Variants in CWH43 observed in about 807,000 individuals in gnomAD.
The protein encoded by CWH43 is cell wall biogenesis 43 C-terminal homolog.
In CWH43, 91 loss-of-function variants were observed where a neutral mutation model predicts 85.7. That is an observed-to-expected ratio of 1.06 (90% confidence interval 0.90 to 1.26). The LOEUF is 1.26. Among genes scored for constraint, CWH43 ranks in the 50% most tolerant of loss-of-function variants. The pLI, the probability that CWH43 is intolerant of heterozygous loss-of-function variation, is 0.00. For missense variants in CWH43, 869 were observed against 839.2 expected, an observed-to-expected ratio of 1.04 and a Z score of -0.44; for synonymous variants, 323 against 293.6, an observed-to-expected ratio of 1.10 and a Z score of -1.02.
Position 49,061,866 on chromosome 4 carries a change from G to A in CWH43, c.2076G>A (p.Met692Ile), listed in dbSNP as rs1460658835. 1.4e-6 allele frequency: 2 copies of A among 1,386,804 alleles called. No homozygotes were observed. Among genetic ancestry groups the A allele is most frequent in the Non-Finnish European group, 9.6e-7 (1 of 1,043,620 alleles). 85.9% of individuals were successfully genotyped at this position (1,386,804 alleles called of 1,614,324 possible). The change falls in exon 16 of 16, where the codon ATG (methionine) becomes ATA (isoleucine). Residue 692 changes from methionine to isoleucine, a missense_variant. Coordinates refer to ENST00000226432, the MANE Select transcript of CWH43 (RefSeq NM_025087.3). ...ATGAAAACAACCATCATTTTCATAT[G>A]AATACTCCCAAATACTTTTTATGAA... ...HNYENNHHFH[M>I]NTPKYFL
At chr4:49,050,495 A>C (rs772167330) in intron 14 of CWH43, among the ~76,000 whole-genome samples, 199 bp from the exon 15 acceptor site, 4 of 152,212 alleles carry the variant, frequency 2.6e-5, no homozygotes, top group Non-Finnish European at 5.9e-5. Flanking sequence ...ATCTATGTAC[A>C]TATTCTTTAT....
At chr4:49,006,784 C>G (rs1275984978) in intron 7 of CWH43, among the ~76,000 whole-genome samples, 1 of 152,186 alleles carries the variant, frequency 6.6e-6, no homozygotes, top group Admixed American at 6.6e-5. Context: ...ATCACAAGCA[C>G]TGCCATATTA....
chr4:49,000,617 C>G (rs1024207083), intron 6 of CWH43, among the ~76,000 whole-genome samples: 3 of 152,118 alleles, frequency 2.0e-5, no homozygotes, highest in African/African-American at 7.2e-5. Context: ...TTATATCATG[C>G]CTTTTCACAT....
At chr4:49,035,024 C>A (rs766282266) in intron 12 of CWH43, among the ~76,000 whole-genome samples, 8 of 152,148 alleles carry the variant, frequency 5.3e-5, no homozygotes, top group African/African-American at 1.4e-4. Flanking sequence ...CTTTAGGAAC[C>A]ACTGCTCTGA....
chr4:49,020,177 A>C (rs566567430), intron 9 of CWH43, among the ~76,000 whole-genome samples: 1 of 152,094 alleles, frequency 6.6e-6, no homozygotes, highest in East Asian at 1.9e-4. Flanking sequence ...TTAATAAGCA[A>C]CTGAGTCTCC....
intron 7 of CWH43, among the ~76,000 whole-genome samples, chr4:49,005,091 C>T (rs1444609800): frequency 6.6e-6 from 1 of 151,950 alleles, no homozygotes; most frequent in Non-Finnish European, 1.5e-5. Flanking sequence ...TTTGTTTGTT[C>T]ACTTATTCAT....
At chr4:49,025,169 C>T (rs1783870058) in intron 9 of CWH43, among the ~76,000 whole-genome samples, 1 of 151,880 alleles carries the variant, frequency 6.6e-6, no homozygotes, top group Non-Finnish European at 1.5e-5. Context: ...GCATTTTGCC[C>T]TTCTCTAAGC....
chr4:49,059,170 G>T (rs571488366), intron 15 of CWH43, among the ~76,000 whole-genome samples: 1 of 152,092 alleles, frequency 6.6e-6, no homozygotes, highest in African/African-American at 2.4e-5. Flanking sequence ...CTATGACTCT[G>T]GTTGGGTAAT....
At chr4:49,035,886 A>T (rs1784247774) in intron 12 of CWH43, among the ~76,000 whole-genome samples, 1 of 152,108 alleles carries the variant, frequency 6.6e-6, no homozygotes, top group African/African-American at 2.4e-5. Flanking sequence ...AATTTTCTGG[A>T]TCTGGATTTG....
At chr4:49,033,435 C>G (rs1784164248) in intron 12 of CWH43, among the ~76,000 whole-genome samples, 1 of 152,094 alleles carries the variant, frequency 6.6e-6, no homozygotes, top group South Asian at 2.1e-4. Context: ...CCCTGCTTGC[C>G]CTGGCAAGCT....
chr4:48,988,525 A>ACTTTC lies in CWH43; in HGVS notation c.97_101dup (p.Leu34PhefsTer6). On this transcript the variant is annotated frameshift_variant, in exon 2 of 16. Coordinates refer to ENST00000226432, the MANE Select transcript of CWH43 (RefSeq NM_025087.3). LOFTEE classifies it high-confidence loss of function. ...CATGACCTGGGACCGATGATCTATT[A>ACTTTC]CTTTCCTTTGCAAACACTAGAACTC... The ACTTTC allele has an allele frequency of 6.2e-7, 1 of 1,612,264 alleles. No homozygotes were observed. Among genetic ancestry groups the ACTTTC allele is most frequent in the South Asian group, 1.1e-5 (1 of 90,724 alleles).
intron 15 of CWH43, among the ~76,000 whole-genome samples, chr4:49,055,717 G>A (rs1214606406): frequency 6.6e-6 from 1 of 151,816 alleles, no homozygotes; most frequent in African/African-American, 2.4e-5. Context: ...AGCCTCCTGA[G>A]TAGCTGCGAT....
At position 49,050,255 on chromosome 4, in the gene CWH43, A is replaced by AT. The variant is rs1784751768; in HGVS notation, c.1866-433dup. ...GCTCTAAGCCAAAACGGGATATGGA[A>AT]TTTTTTCAGATATATAAAATCTTTG... On this transcript the variant is annotated intron_variant, in intron 14 of 15. Coordinates refer to ENST00000226432, the MANE Select transcript of CWH43 (RefSeq NM_025087.3). Among the ~76,000 whole-genome samples the AT allele has an allele frequency of 2.6e-5, 4 of 152,182 alleles. No individual in the cohort carries two copies. The South Asian group carries it at 8.3e-4, about 32-fold the overall frequency.
chr4:49,040,722 T>C (rs1784432732), intron 13 of CWH43, among the ~76,000 whole-genome samples: 1 of 152,254 alleles, frequency 6.6e-6, no homozygotes, highest in Non-Finnish European at 1.5e-5. Context: ...TAGTTTCCTT[T>C]GCTGTGCAGA....
Position 48,992,634 on chromosome 4 carries a change from C to T in CWH43, c.511+544C>T, listed in dbSNP as rs532303941. Among the ~76,000 whole-genome samples the T allele has an allele frequency of 4.6e-5, 7 of 152,282 alleles. No individual in the cohort carries two copies. Among genetic ancestry groups the T allele is most frequent in the East Asian group, 1.9e-4 (1 of 5,182 alleles). ...GTCTCTCCCAGGGGCCAGCTTTCTC[C>T]GAGACAGAAACATGCCCAGCTTAGA... On this transcript the variant is annotated intron_variant, in intron 4 of 15. Coordinates refer to ENST00000226432, the MANE Select transcript of CWH43 (RefSeq NM_025087.3). This position sits in a 1 kb window ranked among gnomAD's most constrained non-coding sequence, Gnocchi z 4.3.
Position 49,030,945 on chromosome 4 carries a change from G to A in CWH43, c.1493G>A (p.Arg498Lys), listed in dbSNP as rs371226736. ...GFYTDFGPST[R>K]YHTWGIMALS... is the part of the protein sequence containing the mutation. The stretch of plus-strand genomic sequence containing the variant: ...TATACAGACTTTGGTCCAAGCACAA[G>A]GTATCACACTTGGGGGTGAGTATAC... The change falls in exon 11 of 16, where the codon AGG (arginine) becomes AAG (lysine). Residue 498 changes from arginine (R) to lysine (K), a missense_variant. Physicochemically the swap from Arg to Lys is conservative, Grantham distance 26 (BLOSUM62 2). Around this residue, in one of 3 missense-constraint regions of CWH43, gnomAD observed 577 missense variants for 513.1 expected, o/e 1.12. Coordinates refer to ENST00000226432, the MANE Select transcript of CWH43 (RefSeq NM_025087.3). 1.9e-5 allele frequency: 30 copies of A among 1,597,528 alleles called. No individual in the cohort carries two copies. Among genetic ancestry groups the A allele is most frequent in the African/African-American group, 4.1e-5 (3 of 73,640 alleles).
intron 13 of CWH43, among the ~76,000 whole-genome samples, chr4:49,041,370 C>G (rs181657260): frequency 6.6e-6 from 1 of 152,130 alleles, no homozygotes; most frequent in East Asian, 1.9e-4. Flanking sequence ...TTCTTCCTAC[C>G]CATGAGCATG....
chr4:49,016,520 A>G (rs1352693260), intron 8 of CWH43, among the ~76,000 whole-genome samples: 1 of 152,136 alleles, frequency 6.6e-6, no homozygotes, highest in Non-Finnish European at 1.5e-5. Context: ...TTTAGTTCCA[A>G]CCATTATAGT....
At chr4:48,991,006 G>A (rs1263652631) in intron 2 of CWH43, among the ~76,000 whole-genome samples, 1 of 152,170 alleles carries the variant, frequency 6.6e-6, no homozygotes, top group Non-Finnish European at 1.5e-5. Context: ...AAAACGTTAT[G>A]CTAAGGGAAA....
Sources: allele counts gnomAD v4.1 joint callset (sites outside exome capture counted in the v4.1 genomes callset), GRCh38; gene constraint gnomAD v4.1.1; regional missense constraint gnomAD v4.1.1; non-coding constraint Gnocchi (gnomAD v3.1); transcripts MANE v1.5; gene names NCBI Gene and HGNC (gene_info 2026-07-23, HGNC 2026-07-21).